The following FGF1 variants were observed in gnomAD, a reference collection of about 807,000 sequenced individuals.
FGF1 encodes fibroblast growth factor 1.
A neutral mutation model predicts 13.4 loss-of-function variants in FGF1; 9 were observed. The observed-to-expected ratio is 0.67, with a 90% CI of 0.40 to 1.17. The LOEUF (loss-of-function observed/expected upper bound fraction) is 1.17, where lower values mean the gene tolerates loss of function less well. Among genes scored for constraint, FGF1 ranks in the 50% most tolerant of loss-of-function variants. The pLI, the probability that FGF1 is intolerant of heterozygous loss-of-function variation, is 0.01. For synonymous variants in FGF1, 93 were observed against 79.0 expected (o/e 1.18, Z -0.94); for missense variants, 156 against 192.7 (o/e 0.81, Z 1.13).
intron 1 of FGF1, among the ~76,000 whole-genome samples, chr5:142,617,901 T>C (rs1210984802): frequency 1.2e-4 from 18 of 152,182 alleles, no homozygotes; most frequent in Non-Finnish European, 2.4e-4. Flanking sequence ...AGGAAGTATA[T>C]GGCGTGATAA....
chr5:142,689,895 G>T (rs1174209661), upstream of FGF1, among the ~76,000 whole-genome samples: 2 of 150,228 alleles, frequency 1.3e-5, no homozygotes, highest in African/African-American at 4.9e-5. Context: ...TAGAGACAGG[G>T]TTTCACCGTG....
intron 1 of FGF1, among the ~76,000 whole-genome samples, chr5:142,636,634 C>G (rs569961991): frequency 2.0e-5 from 3 of 152,304 alleles, no homozygotes; most frequent in African/African-American, 7.2e-5. Context: ...TGGCAAAGTC[C>G]AGGTTGCCCT....
intron 2 of FGF1, among the ~76,000 whole-genome samples, chr5:142,691,160 C>T (rs1326316338): frequency 2.0e-5 from 3 of 152,148 alleles, no homozygotes; most frequent in Non-Finnish European, 4.4e-5. Context: ...GTGGCTCATG[C>T]CTATAATCCC....
chr5:142,636,279 C>T (rs1391846289), intron 1 of FGF1, among the ~76,000 whole-genome samples: 6 of 152,182 alleles, frequency 3.9e-5, no homozygotes, highest in Middle Eastern at 3.2e-3. Flanking sequence ...AGCCAGAAAC[C>T]GGATCTCAAA....
intron 3 of FGF1, among the ~76,000 whole-genome samples, chr5:142,598,098 G>A (rs1006956867): frequency 7.2e-5 from 11 of 152,206 alleles, no homozygotes; most frequent in African/African-American, 2.7e-4. Flanking sequence ...AGACATTCGT[G>A]TTTGATGCAT....
chr5:142,646,561 C>G (rs1204089032), intron 1 of FGF1, among the ~76,000 whole-genome samples: 1 of 152,126 alleles, frequency 6.6e-6, no homozygotes, highest in African/African-American at 2.4e-5. Context: ...CCATGTTGGT[C>G]AGGCTAGTCT....
At chr5:142,602,367 G>T (rs1756757069) in intron 2 of FGF1, among the ~76,000 whole-genome samples, 1 of 152,004 alleles carries the variant, frequency 6.6e-6, no homozygotes, top group Admixed American at 6.6e-5. Flanking sequence ...AGTAGAGATG[G>T]GGTTTCACCA....
At chr5:142,616,097 C>T (rs1760170818) in intron 1 of FGF1, among the ~76,000 whole-genome samples, 1 of 152,226 alleles carries the variant, frequency 6.6e-6, no homozygotes, top group Non-Finnish European at 1.5e-5. Context: ...CCTGCACTAA[C>T]CATCCATCAG....
intron 1 of FGF1, among the ~76,000 whole-genome samples, chr5:142,684,823 C>G (rs1774376351): frequency 6.6e-6 from 1 of 152,352 alleles, no homozygotes; most frequent in South Asian, 2.1e-4. Flanking sequence ...CTGGCTCGCC[C>G]TCAGCCGGGA....
intron 2 of FGF1, among the ~76,000 whole-genome samples, chr5:142,697,057 C>A (rs925802464): frequency 1.3e-5 from 2 of 152,178 alleles, no homozygotes; most frequent in Admixed American, 6.5e-5. Flanking sequence ...TCCCCAAACC[C>A]CTGATTTTAT....
rs370206709 is a variant in FGF1, at chr5:142,683,269, C to T, written c.-35+2688G>A. Among the ~76,000 whole-genome samples the T allele has an allele frequency of 7.1e-4, 108 of 152,280 alleles. 2 individuals carry two copies. The East Asian group carries it at 0.01, about 14-fold the overall frequency. ...TACCTAACCCCTGGGAGCTAGCATACAGGCTGACAGTGTCAGAGGCGTTCG... is the reference window on the plus strand; with the variant it reads ...TACCTAACCCCTGGGAGCTAGCATATAGGCTGACAGTGTCAGAGGCGTTCG... On this transcript the variant is annotated intron_variant, in intron 1 of 3. Transcript: ENST00000337706.
At chr5:142,673,830 AC>A (rs1771954512) in intron 1 of FGF1, among the ~76,000 whole-genome samples, 2 of 152,010 alleles carry the variant, frequency 1.3e-5, no homozygotes. Flanking sequence ...TCATTGCCTG[AC>A]CCCTGCTACA....
chr5:142,665,237 C>A (rs1028671186), intron 1 of FGF1, among the ~76,000 whole-genome samples: 1 of 152,032 alleles, frequency 6.6e-6, no homozygotes. Context: ...ACCTTGGGAA[C>A]CTCAAGACAA....
Position 142,667,560 on chromosome 5 carries a change from T to A in FGF1, c.-35+18397A>T, listed in dbSNP as rs1221968422. 4.0e-5 allele frequency among the ~76,000 whole-genome samples: 5 copies of A among 125,124 alleles called. No homozygotes were observed. The South Asian group carries it at 7.3e-4, about 18-fold the overall frequency. 82.1% of individuals were successfully genotyped at this position (125,124 alleles called of 152,430 possible). On this transcript the variant is annotated intron_variant, in intron 1 of 3. Transcript: ENST00000337706. ...GAGATCGGGCCACTGCACTCCAGCCTGGGGGACAGAGCGAGACTCCGTCTC... is the reference window on the plus strand; with the variant it reads ...GAGATCGGGCCACTGCACTCCAGCCAGGGGGACAGAGCGAGACTCCGTCTC...
chr5:142,619,028 A>G lies in FGF1; in HGVS notation c.-34-4867T>C, dbSNP rs1016987723. 7.6e-4 allele frequency among the ~76,000 whole-genome samples: 100 copies of G among 131,122 alleles called. 1 individual carries two copies. The highest frequency in any genetic ancestry group is 3.1e-3 in the Admixed American group (31 of 9,866). The allele number at this position is 131,122 out of a possible 152,430, so 86.0% of individuals were successfully genotyped here. ...CGGCTCACTGCAAGCTCCGCCTCCCAGGTTCACGCCATTCTCCTGCCTCAG... is the reference window on the plus strand; with the variant it reads ...CGGCTCACTGCAAGCTCCGCCTCCCGGGTTCACGCCATTCTCCTGCCTCAG... On this transcript the variant is annotated intron_variant, in intron 1 of 3. Transcript: ENST00000337706.
chr5:142,676,500 G>T (rs1361483655), intron 1 of FGF1, among the ~76,000 whole-genome samples: 2 of 152,218 alleles, frequency 1.3e-5, no homozygotes, highest in Non-Finnish European at 1.5e-5. Flanking sequence ...AATCAAAGAG[G>T]TTGTGTAACT....
chr5:142,607,575 A>G (rs922501209), intron 2 of FGF1, among the ~76,000 whole-genome samples: 3 of 152,254 alleles, frequency 2.0e-5, no homozygotes, highest in African/African-American at 7.2e-5. Flanking sequence ...GAGAAATTCA[A>G]ACTCAGATAA....
At chr5:142,650,822 G>A (rs1018349144) in intron 1 of FGF1, among the ~76,000 whole-genome samples, 2 of 152,064 alleles carry the variant, frequency 1.3e-5, no homozygotes, top group African/African-American at 2.4e-5. Context: ...AGGAAAATAC[G>A]AGCAACAGTC....
chr5:142,690,355 T>A (rs1056016261), upstream of FGF1, among the ~76,000 whole-genome samples: 4 of 151,550 alleles, frequency 2.6e-5, no homozygotes, highest in Non-Finnish European at 5.9e-5. Context: ...AAATAAAAAA[T>A]AAAAAAAAAT....
Sources: gnomAD v4.1 joint callset for allele counts (sites outside exome capture counted in the v4.1 genomes callset) on GRCh38, gnomAD v4.1.1 for gene constraint, MANE v1.5 for transcripts, NCBI Gene and HGNC (gene_info 2026-07-23, HGNC 2026-07-21) for gene names.